Variants in THNSL1 observed in about 807,000 individuals in gnomAD.
The protein encoded by THNSL1 is threonine synthase-like 1.
Under a neutral mutation model 50.4 loss-of-function variants are expected in THNSL1, and 48 were observed. The observed-to-expected ratio is 0.95, with a 90% CI of 0.76 to 1.21. THNSL1 has a LOEUF of 1.21. Among genes scored for constraint, THNSL1 ranks in the 50% most tolerant of loss-of-function variants. The pLI is 0.00. For synonymous variants in THNSL1, 309 were observed against 306.1 expected (o/e 1.01, Z -0.10); for missense variants, 896 against 871.7 (o/e 1.03, Z -0.35).
chr10:24,999,948 T>C, the THNSL1 span, among the ~76,000 whole-genome samples: 1 of 152,188 alleles, frequency 6.6e-6, no homozygotes, highest in East Asian at 1.9e-4. Context: ...AATGTTCATG[T>C]TTTCCATTTC....
intron 1 of THNSL1, among the ~76,000 whole-genome samples, chr10:25,017,227 A>G (rs571370664): frequency 2.0e-5 from 3 of 152,274 alleles, no homozygotes; most frequent in South Asian, 4.1e-4. Context: ...CCCTTGTTGG[A>G]AAATTGTCTT....
chr10:24,977,699 T>G, the THNSL1 span, among the ~76,000 whole-genome samples: 5 of 152,202 alleles, frequency 3.3e-5, no homozygotes, highest in African/African-American at 1.2e-4. Context: ...ATTTAAATTT[T>G]AAAAAGTGAG....
the THNSL1 span, among the ~76,000 whole-genome samples, chr10:24,970,580 G>A: frequency 6.6e-6 from 1 of 151,980 alleles, no homozygotes. Context: ...AGGTGTGGTA[G>A]TGTACACCTG....
Position 25,025,114 on chromosome 10 carries a change from AC to A in THNSL1, c.1893del (p.Tyr632IlefsTer29). On this transcript the variant is annotated frameshift_variant, in exon 3 of 3. Transcript: ENST00000376356. LOFTEE classifies it high-confidence loss of function. Reference protein sequence around the residue: ...EGECLAAINSTYNTSGYILDP... With the variant: ...EGECLAAINSXYNTSGYILDP... The stretch of plus-strand genomic sequence containing the variant: ...AGAGTGCCTAGCAGCTATTAACTCC[AC>A]CTATAATACTTCAGGGTATATTTTG... The A allele has an allele frequency of 1.2e-6, 2 of 1,614,192 alleles. No homozygotes were observed. Among genetic ancestry groups the A allele is most frequent in the Non-Finnish European group, 1.7e-6 (2 of 1,180,028 alleles).
chr10:25,017,149 T>G (rs1850615785), intron 1 of THNSL1, among the ~76,000 whole-genome samples: 2 of 152,226 alleles, frequency 1.3e-5, no homozygotes, highest in Non-Finnish European at 2.9e-5. Context: ...TCTTTGTAAA[T>G]GAGCAGCCTA....
the THNSL1 span, among the ~76,000 whole-genome samples, chr10:24,993,668 G>A: frequency 1.3e-5 from 2 of 152,210 alleles, no homozygotes; most frequent in Non-Finnish European, 2.9e-5. Context: ...AGTAAATTGA[G>A]TAAGTCTTTC....
At chr10:24,988,404 G>T in the THNSL1 span, among the ~76,000 whole-genome samples, 2 of 143,434 alleles carry the variant, frequency 1.4e-5, no homozygotes, top group South Asian at 2.1e-4. Context: ...TTATATATGT[G>T]TATATATATT....
At chr10:24,956,467 T>TA in the THNSL1 span, among the ~76,000 whole-genome samples, 14 of 148,852 alleles carry the variant, frequency 9.4e-5, no homozygotes, top group African/African-American at 3.5e-4. Flanking sequence ...TTTTATTTAT[T>TA]TTTTTTTTTT....
At chr10:25,004,936 T>A in the THNSL1 span, among the ~76,000 whole-genome samples, 1 of 152,222 alleles carries the variant, frequency 6.6e-6, no homozygotes, top group African/African-American at 2.4e-5. Context: ...TTAATTTTTG[T>A]ATATGGTGAG....
chr10:24,990,475 C>A, the THNSL1 span: 2 of 1,611,894 alleles, frequency 1.2e-6, no homozygotes, highest in African/African-American at 1.3e-5. Context: ...GCAAAACTGC[C>A]TCCCTTTCTT....
the THNSL1 span, among the ~76,000 whole-genome samples, chr10:25,004,428 C>T: frequency 6.6e-6 from 1 of 151,966 alleles, no homozygotes; most frequent in Non-Finnish European, 1.5e-5. Context: ...TCCACAACCT[C>T]ACCAGTATCT....
chr10:25,005,787 C>A, the THNSL1 span, among the ~76,000 whole-genome samples: 3 of 152,220 alleles, frequency 2.0e-5, no homozygotes, highest in African/African-American at 7.2e-5. Flanking sequence ...ACTTACTTGA[C>A]AACACAGGCA....
At chr10:24,991,853 T>C in the THNSL1 span, among the ~76,000 whole-genome samples, 4 of 152,310 alleles carry the variant, frequency 2.6e-5, no homozygotes, top group East Asian at 7.7e-4. Flanking sequence ...AAGAGCACCC[T>C]GTAACACACG....
upstream of THNSL1, among the ~76,000 whole-genome samples, chr10:25,015,446 G>A (rs1444677448): frequency 6.6e-6 from 1 of 152,158 alleles, no homozygotes; most frequent in Non-Finnish European, 1.5e-5. Context: ...TCCCATTAGA[G>A]AGGGAGTAGT....
chr10:24,980,711 T>TTTTG, the THNSL1 span, among the ~76,000 whole-genome samples: 13 of 152,156 alleles, frequency 8.5e-5, no homozygotes, highest in East Asian at 9.7e-4. Flanking sequence ...GTTGGGTGTT[T>TTTTG]TTTGTTTGTT....
the THNSL1 span, among the ~76,000 whole-genome samples, chr10:24,991,518 A>C: frequency 6.6e-6 from 1 of 152,134 alleles, no homozygotes; most frequent in Admixed American, 6.5e-5. Flanking sequence ...AAAAGAGCAC[A>C]CCAATGGGCA....
intron 1 of THNSL1, among the ~76,000 whole-genome samples, chr10:25,017,477 G>T (rs989060192): frequency 6.6e-6 from 1 of 152,146 alleles, no homozygotes; most frequent in East Asian, 1.9e-4. Flanking sequence ...GTTTCTCACT[G>T]CCTGGTTGGC....
intron 2 of THNSL1, 33 bp from the exon 3 acceptor site, chr10:25,023,143 T>A: frequency 7.3e-7 from 1 of 1,377,190 alleles, no homozygotes; most frequent in Non-Finnish European, 9.9e-7. Flanking sequence ...AATTATCTTT[T>A]GTTGTTTTTT....
the THNSL1 span, among the ~76,000 whole-genome samples, chr10:24,993,854 G>C: frequency 1.3e-5 from 2 of 152,202 alleles, no homozygotes; most frequent in African/African-American, 4.8e-5. Context: ...GGGAGGGGCA[G>C]AGTGTGTGAC....
Sources: allele counts gnomAD v4.1 joint callset (sites outside exome capture counted in the v4.1 genomes callset), GRCh38; gene constraint gnomAD v4.1.1; transcripts MANE v1.5; gene names NCBI Gene and HGNC (gene_info 2026-07-23, HGNC 2026-07-21).